Variants in NOS1AP observed in about 807,000 individuals in gnomAD.
The protein encoded by NOS1AP is carboxyl-terminal PDZ ligand of neuronal nitric oxide synthase protein.
A neutral mutation model predicts 56.2 loss-of-function variants in NOS1AP; 21 were observed. That is an observed-to-expected ratio of 0.37 (90% CI 0.26 to 0.54). NOS1AP has a LOEUF of 0.54. NOS1AP is among the 20% of genes least tolerant of loss of function. The pLI is 0.84. For synonymous variants in NOS1AP, 270 were observed against 274.6 expected, an observed-to-expected ratio of 0.98 and a Z score of 0.17; for missense variants, 522 against 657.8, an observed-to-expected ratio of 0.79 and a Z score of 2.26.
At chr1:162,308,767 A>G (rs562148047) in intron 4 of NOS1AP, among the ~76,000 whole-genome samples, 1 of 152,352 alleles carries the variant, frequency 6.6e-6, no homozygotes, top group South Asian at 2.1e-4. Flanking sequence ...ATAAATTGGT[A>G]CAGGTGGTTA....
chr1:162,203,478 G>A (rs894354104), intron 2 of NOS1AP, among the ~76,000 whole-genome samples: 3 of 152,132 alleles, frequency 2.0e-5, no homozygotes, highest in Non-Finnish European at 2.9e-5. Context: ...TTCAAAAGGC[G>A]AGATGTCAAC....
At chr1:162,117,932 C>T (rs1648036840) in intron 1 of NOS1AP, among the ~76,000 whole-genome samples, 1 of 152,192 alleles carries the variant, frequency 6.6e-6, no homozygotes, top group Non-Finnish European at 1.5e-5. Context: ...GACAGGTCCA[C>T]ATATCTGTCT....
intron 1 of NOS1AP, among the ~76,000 whole-genome samples, chr1:162,133,041 G>GAATATTGC (rs1648823747): frequency 6.6e-6 from 1 of 152,168 alleles, no homozygotes; most frequent in Admixed American, 6.5e-5. Context: ...GTAAATGATG[G>GAATATTGC]AATATTGCAA....
Position 162,192,445 on chromosome 1 carries a change from G to A in NOS1AP, c.177+37969G>A, listed in dbSNP as rs145870999. 1.7e-3 allele frequency among the ~76,000 whole-genome samples: 254 copies of A among 152,304 alleles called. 3 individuals are homozygous for A. Among genetic ancestry groups the A allele is most frequent in the African/African-American group, 5.6e-3 (233 of 41,580 alleles). ...GCACTCTGAGTGTAGCATGAGGCCTGGTGCAGCAGGCCTGGTCACTGGGGA... is the reference window on the plus strand; with the variant it reads ...GCACTCTGAGTGTAGCATGAGGCCTAGTGCAGCAGGCCTGGTCACTGGGGA... On this transcript the variant is annotated intron_variant, in intron 2 of 9. Transcript: ENST00000361897.
intron 2 of NOS1AP, among the ~76,000 whole-genome samples, chr1:162,222,879 T>C (rs932265026): frequency 6.6e-6 from 1 of 152,194 alleles, no homozygotes; most frequent in Non-Finnish European, 1.5e-5. Context: ...TAAGATCACG[T>C]GTGCTGATTA....
chr1:162,119,249 A>G (rs1030836777), intron 1 of NOS1AP, among the ~76,000 whole-genome samples: 5 of 152,174 alleles, frequency 3.3e-5, no homozygotes, highest in Admixed American at 2.0e-4. Flanking sequence ...CTCTGGAGAA[A>G]GTCTCTCCAG....
intron 2 of NOS1AP, among the ~76,000 whole-genome samples, chr1:162,205,715 G>C (rs1353934150): frequency 6.6e-6 from 1 of 152,186 alleles, no homozygotes; most frequent in Admixed American, 6.5e-5. Context: ...GGGAATTGTA[G>C]CTGTCTTGCT....
At chr1:162,124,271 C>T in intron 1 of NOS1AP, among the ~76,000 whole-genome samples, 1 of 152,060 alleles carries the variant, frequency 6.6e-6, no homozygotes, top group East Asian at 1.9e-4. Flanking sequence ...TCATCTCTCA[C>T]CCCCGTCTTG....
intron 2 of NOS1AP, among the ~76,000 whole-genome samples, chr1:162,175,069 C>T (rs969929439): frequency 1.3e-5 from 2 of 152,072 alleles, no homozygotes; most frequent in Non-Finnish European, 2.9e-5. Flanking sequence ...TATGACTTAT[C>T]ACTGTTGATG....
At chr1:162,184,123 A>C (rs568270681) in intron 2 of NOS1AP, among the ~76,000 whole-genome samples, 199 of 152,280 alleles carry the variant, frequency 1.3e-3, no homozygotes, top group Non-Finnish European at 2.2e-3. Context: ...AATTGGCCTA[A>C]TTTCAATATT....
intron 2 of NOS1AP, among the ~76,000 whole-genome samples, chr1:162,156,609 T>C (rs1019054496): frequency 6.6e-6 from 1 of 152,164 alleles, no homozygotes; most frequent in Admixed American, 6.5e-5. Context: ...AAGTCCCTTT[T>C]TAATTCACTT....
At chr1:162,105,548 C>T (rs572747880) in intron 1 of NOS1AP, among the ~76,000 whole-genome samples, 1 of 152,190 alleles carries the variant, frequency 6.6e-6, no homozygotes, top group African/African-American at 2.4e-5. Context: ...CGCCTCTCCC[C>T]CTGGGAGCTT....
At chr1:162,239,579 A>G (rs1653417385) in intron 2 of NOS1AP, among the ~76,000 whole-genome samples, 1 of 152,216 alleles carries the variant, frequency 6.6e-6, no homozygotes, top group Non-Finnish European at 1.5e-5. Context: ...TTAAGCAAAT[A>G]TTCAGCAAGC....
At chr1:162,321,834 C>T (rs1468602385) in intron 4 of NOS1AP, among the ~76,000 whole-genome samples, 1 of 151,408 alleles carries the variant, frequency 6.6e-6, no homozygotes, top group Non-Finnish European at 1.5e-5. Flanking sequence ...CATGTTCCTA[C>T]TTACGAATGG....
At chr1:162,233,539 C>T (rs755054950) in intron 2 of NOS1AP, among the ~76,000 whole-genome samples, 2 of 152,082 alleles carry the variant, frequency 1.3e-5, no homozygotes, top group African/African-American at 2.4e-5. Flanking sequence ...GTTGTGTTAC[C>T]GTCACCACAA....
chr1:162,235,430 G>A (rs1653260060), intron 2 of NOS1AP, among the ~76,000 whole-genome samples: 1 of 152,122 alleles, frequency 6.6e-6, no homozygotes, highest in African/African-American at 2.4e-5. Context: ...TTTTTCCATT[G>A]CCCTCTCCCT....
At chr1:162,271,812 A>G (rs1046882929) in intron 2 of NOS1AP, among the ~76,000 whole-genome samples, 2 of 152,244 alleles carry the variant, frequency 1.3e-5, no homozygotes, top group South Asian at 2.1e-4. Flanking sequence ...AGGTGCCAGC[A>G]TGGCTGGGTT....
At chr1:162,181,259 T>G (rs1651247215) in intron 2 of NOS1AP, among the ~76,000 whole-genome samples, 1 of 152,214 alleles carries the variant, frequency 6.6e-6, no homozygotes, top group African/African-American at 2.4e-5. Context: ...CTTTGAATAT[T>G]AAGACACACC....
At chr1:162,116,619 T>C (rs11808624) in intron 1 of NOS1AP, among the ~76,000 whole-genome samples, 74,143 of 152,142 alleles carry the variant, frequency 0.49, 20,972 homozygotes, top group Non-Finnish European at 0.64. Flanking sequence ...GGGACAACTG[T>C]GGATGCAGTG....
Sources: gnomAD v4.1 joint callset for allele counts (sites outside exome capture counted in the v4.1 genomes callset) on GRCh38, gnomAD v4.1.1 for gene constraint, MANE v1.5 for transcripts, NCBI Gene and HGNC (gene_info 2026-07-23, HGNC 2026-07-21) for gene names.